DISP1: variants seen among roughly 807,000 people sequenced by gnomAD.
DISP1 encodes the protein protein dispatched homolog 1.
A neutral mutation model predicts 37.3 loss-of-function variants in DISP1; 30 were observed. That is an observed-to-expected ratio of 0.80 (90% CI 0.60 to 1.09). The LOEUF (loss-of-function observed/expected upper bound fraction) is 1.09. Among genes scored for constraint, DISP1 ranks in the 50% least tolerant of loss-of-function variants. The pLI, the probability that DISP1 is intolerant of heterozygous loss-of-function variation, is 0.00. For missense variants in DISP1, 1,598 were observed against 1,879.5 expected (o/e 0.85, Z 2.77); for synonymous variants, 634 against 690.2 (o/e 0.92, Z 1.28).
chr1:222,883,386 G>A (rs148828686), intron 1 of DISP1, among the ~76,000 whole-genome samples: 1,542 of 152,218 alleles, frequency 0.01, 23 homozygotes, highest in African/African-American at 0.035. Flanking sequence ...TTGGGAGGCC[G>A]AGGCAGTCTG....
intron 1 of DISP1, among the ~76,000 whole-genome samples, chr1:222,877,815 G>T (rs1281389589): frequency 6.6e-6 from 1 of 152,174 alleles, no homozygotes; most frequent in Non-Finnish European, 1.5e-5. Context: ...AGAGCCTTGG[G>T]GCTGGTTTTT....
At chr1:222,963,584 C>T (rs2102604716) in intron 3 of DISP1, among the ~76,000 whole-genome samples, 1 of 152,230 alleles carries the variant, frequency 6.6e-6, no homozygotes, top group Middle Eastern at 3.4e-3. Context: ...ACTATGCAGC[C>T]ATTATAAGGA....
chr1:222,988,189 A>T (rs1678411930), intron 4 of DISP1, among the ~76,000 whole-genome samples: 1 of 152,230 alleles, frequency 6.6e-6, no homozygotes. Context: ...TTTGCAGTCT[A>T]GTGAATAATG....
chr1:222,885,881 C>T (rs1336220090), intron 1 of DISP1, among the ~76,000 whole-genome samples: 1 of 151,478 alleles, frequency 6.6e-6, no homozygotes, highest in Non-Finnish European at 1.5e-5. Flanking sequence ...CACACACACA[C>T]ACACAGACAC....
chr1:223,003,292 G>T lies in DISP1; in HGVS notation c.1895G>T (p.Cys632Phe), dbSNP rs371359855. 6 of 1,614,216 alleles carry T rather than the reference G, an allele frequency of 3.7e-6. No individual in the cohort carries two copies. The highest frequency in any genetic ancestry group is 5.1e-6 in the Non-Finnish European group (6 of 1,180,046). ...NYVSNITAIR[C>F]FGVYAGTAIL... ...GTTAGCAACATTACAGCAATCCGAT[G>T]CTTTGGGGTTTATGCGGGGACAGCT... The change falls in exon 9 of 9, where the codon TGC (cysteine) becomes TTC (phenylalanine). Residue 632 changes from cysteine (C) to phenylalanine (F), a missense_variant. By Grantham distance (205) the Cys-to-Phe change is radical (BLOSUM62 -2). Transcript: ENST00000675850. This position sits in a 1 kb window ranked among gnomAD's most constrained non-coding sequence, Gnocchi z 4.3.
chr1:222,953,126 T>C (rs765736751), intron 3 of DISP1, among the ~76,000 whole-genome samples: 13 of 152,230 alleles, frequency 8.5e-5, no homozygotes, highest in Non-Finnish European at 1.9e-4. Context: ...CAATCATTGT[T>C]GCTACATTGT....
At chr1:222,821,503 G>A (rs1452211384) in intron 1 of DISP1, among the ~76,000 whole-genome samples, 1 of 152,170 alleles carries the variant, frequency 6.6e-6, no homozygotes, top group Non-Finnish European at 1.5e-5. Context: ...CCTGGTTGAA[G>A]GTGATTGAAT....
Position 223,004,817 on chromosome 1 carries a change from T to C in DISP1, c.3420T>C (p.Cys1140=). ...GGTGCCTTGGACCACAGGGTACCTG[T>C]GGTCAGATTCCTTTACCTAAAAAAC... ...MCRCLGPQGT[C]GQIPLPKKLQ... is the part of the protein sequence containing the mutation. The change falls in exon 9 of 9, where the codon TGT becomes TGC. Residue 1140 remains cysteine, a synonymous_variant. Transcript: ENST00000675850. This position sits in a 1 kb window ranked among gnomAD's most constrained non-coding sequence, Gnocchi z 4.9. 1 of 1,611,602 alleles carries C rather than the reference T, an allele frequency of 6.2e-7. No individual in the cohort carries two copies. Among genetic ancestry groups the C allele is most frequent in the Non-Finnish European group, 8.5e-7 (1 of 1,180,000 alleles).
chr1:222,961,282 A>T (rs149517038), intron 3 of DISP1, among the ~76,000 whole-genome samples: 1 of 152,230 alleles, frequency 6.6e-6, no homozygotes, highest in African/African-American at 2.4e-5. Context: ...TGATCAAGTC[A>T]GCTTCATACC....
chr1:223,000,505 G>C (rs530385264), intron 8 of DISP1, among the ~76,000 whole-genome samples: 4 of 152,222 alleles, frequency 2.6e-5, no homozygotes, highest in African/African-American at 9.6e-5. Flanking sequence ...TATTATTTTA[G>C]TACATTTGAA....
At chr1:222,927,469 A>G (rs1673152692) in intron 1 of DISP1, among the ~76,000 whole-genome samples, 1 of 152,176 alleles carries the variant, frequency 6.6e-6, no homozygotes, top group African/African-American at 2.4e-5. Flanking sequence ...TAGATATATG[A>G]CGTGCAAATA....
chr1:222,875,993 G>T (rs571820805), intron 1 of DISP1, among the ~76,000 whole-genome samples: 3 of 150,874 alleles, frequency 2.0e-5, no homozygotes, highest in Non-Finnish European at 4.4e-5. Flanking sequence ...AAAAAGAAAT[G>T]TACAAACAGC....
chr1:222,894,992 A>C (rs1051330227), intron 1 of DISP1, among the ~76,000 whole-genome samples: 1 of 152,232 alleles, frequency 6.6e-6, no homozygotes, highest in Non-Finnish European at 1.5e-5. Flanking sequence ...TTAAGGACCC[A>C]CAGGTAGAAA....
intron 3 of DISP1, among the ~76,000 whole-genome samples, chr1:222,978,943 G>A (rs1677615868): frequency 6.6e-6 from 1 of 152,138 alleles, no homozygotes; most frequent in African/African-American, 2.4e-5. Flanking sequence ...ATAGTTTGAA[G>A]TCCGGTAGCA....
chr1:222,829,928 T>C (rs1261220137), intron 1 of DISP1, among the ~76,000 whole-genome samples: 3 of 152,304 alleles, frequency 2.0e-5, no homozygotes, highest in East Asian at 3.9e-4. Context: ...TTAAGGTTAA[T>C]GTTTTGTGGG....
At chr1:222,963,953 A>G (rs1446685591) in intron 3 of DISP1, among the ~76,000 whole-genome samples, 2 of 152,174 alleles carry the variant, frequency 1.3e-5, no homozygotes, top group Non-Finnish European at 1.5e-5. Context: ...AATCTCATTT[A>G]CAAGTTAATT....
At chr1:222,815,352 G>C (rs868415204) in intron 1 of DISP1, among the ~76,000 whole-genome samples, 9 of 152,122 alleles carry the variant, frequency 5.9e-5, no homozygotes, top group African/African-American at 1.4e-4. Context: ...TGGAGGTTGC[G>C]GATGACACGG....
At chr1:222,959,604 G>C (rs1265530280) in intron 3 of DISP1, among the ~76,000 whole-genome samples, 1 of 151,134 alleles carries the variant, frequency 6.6e-6, no homozygotes, top group Non-Finnish European at 1.5e-5. Context: ...GGAGGCTGAG[G>C]CAGGAGAATT....
intron 1 of DISP1, among the ~76,000 whole-genome samples, chr1:222,839,454 T>C (rs1445768702): frequency 6.6e-6 from 1 of 152,236 alleles, no homozygotes; most frequent in Non-Finnish European, 1.5e-5. Context: ...GGCTGATGTC[T>C]CTTTCCAAAG....
Sources: allele counts gnomAD v4.1 joint callset (sites outside exome capture counted in the v4.1 genomes callset), GRCh38; gene constraint gnomAD v4.1.1; non-coding constraint Gnocchi (gnomAD v3.1); transcripts MANE v1.5; gene names NCBI Gene and HGNC (gene_info 2026-07-23, HGNC 2026-07-21).